POU6F2: variants seen among roughly 807,000 people sequenced by gnomAD.
POU6F2 encodes POU class 6 homeobox 2, also known as POU domain, class 6, transcription factor 2.
Under a neutral mutation model 71.3 loss-of-function variants are expected in POU6F2, and 31 were observed. The observed-to-expected ratio is 0.43, with a 90% CI of 0.33 to 0.59. POU6F2 has a LOEUF of 0.59. Among genes scored for constraint, POU6F2 ranks in the 20% least tolerant of loss-of-function variants. The pLI is 0.04. For missense variants in POU6F2, 783 were observed against 856.8 expected (o/e 0.91, Z 1.07); for synonymous variants, 347 against 355.7 (o/e 0.98, Z 0.27).
intron 4 of POU6F2, among the ~76,000 whole-genome samples, chr7:39,209,112 T>C (rs138998102): frequency 1.8e-4 from 28 of 152,338 alleles, no homozygotes; most frequent in Non-Finnish European, 3.4e-4. Context: ...AAGATATTAG[T>C]ACCTGTTTTT....
At chr7:39,158,543 C>G (rs962449112) in intron 2 of POU6F2, among the ~76,000 whole-genome samples, 1 of 152,124 alleles carries the variant, frequency 6.6e-6, no homozygotes, top group Non-Finnish European at 1.5e-5. Context: ...TGGCATCACT[C>G]TCGGTCTGAG....
At chr7:39,448,615 C>T (rs751081424) in intron 7 of POU6F2, among the ~76,000 whole-genome samples, 3 of 152,010 alleles carry the variant, frequency 2.0e-5, no homozygotes, top group African/African-American at 7.2e-5. Context: ...GCCTAGAAGC[C>T]CTAGCTTGCT....
At chr7:39,020,335 T>G (rs1237048920) in intron 1 of POU6F2, among the ~76,000 whole-genome samples, 1 of 152,210 alleles carries the variant, frequency 6.6e-6, no homozygotes, top group Non-Finnish European at 1.5e-5. Flanking sequence ...TTCAAGATAT[T>G]GTTATACAAT....
chr7:39,173,173 G>A (rs934870165), intron 2 of POU6F2, among the ~76,000 whole-genome samples: 8 of 152,080 alleles, frequency 5.3e-5, no homozygotes, highest in Non-Finnish European at 7.4e-5. Flanking sequence ...ATGGACCTAC[G>A]CATTCTATAT....
At chr7:39,287,124 C>G (rs569830124) in intron 4 of POU6F2, among the ~76,000 whole-genome samples, 1 of 152,246 alleles carries the variant, frequency 6.6e-6, no homozygotes, top group Non-Finnish European at 1.5e-5. Context: ...CACAGCATCA[C>G]TTTTTACCGA....
chr7:39,101,865 A>C (rs1002210510), intron 2 of POU6F2, among the ~76,000 whole-genome samples: 2 of 152,212 alleles, frequency 1.3e-5, no homozygotes, highest in Non-Finnish European at 2.9e-5. Flanking sequence ...TCAATTAAAA[A>C]ATTTAAAACA....
intron 1 of POU6F2, among the ~76,000 whole-genome samples, chr7:39,056,444 C>T (rs962110090): frequency 9.2e-5 from 14 of 151,726 alleles, no homozygotes; most frequent in African/African-American, 3.1e-4. Flanking sequence ...CTTTAAATTG[C>T]CTTATGGCAA....
At chr7:39,462,240 T>A (rs1238012155) in intron 9 of POU6F2, among the ~76,000 whole-genome samples, 1 of 152,190 alleles carries the variant, frequency 6.6e-6, no homozygotes, top group Non-Finnish European at 1.5e-5. Context: ...CTTTGGGAAT[T>A]TCTAGTATAA....
intron 1 of POU6F2, chr7:39,085,130 G>C (rs1374738058): frequency 6.6e-6 from 1 of 151,930 alleles, no homozygotes; most frequent in Non-Finnish European, 1.5e-5. Flanking sequence ...AACACAGTTT[G>C]TAAGTATTTT....
At chr7:39,425,729 G>A (rs1361677262) in intron 6 of POU6F2, among the ~76,000 whole-genome samples, 3 of 152,032 alleles carry the variant, frequency 2.0e-5, no homozygotes, top group African/African-American at 7.2e-5. Flanking sequence ...CTTTTCCCTT[G>A]TCTCCTTCTT....
chr7:39,028,169 A>G (rs186538171), intron 1 of POU6F2, among the ~76,000 whole-genome samples: 6 of 151,814 alleles, frequency 4.0e-5, no homozygotes, highest in Admixed American at 3.9e-4. Context: ...CATATTTTCT[A>G]TTGTTTTTGC....
chr7:39,144,047 CCCTT>C lies in POU6F2; in HGVS notation c.277+58022_277+58025del, dbSNP rs146345677. ...TTCCTTCTTATTTCTCTTCCTCCCT[CCCTT>C]CCTTCTCTCTTTCCTTCCTTCTTCA... On this transcript the variant is annotated intron_variant, in intron 2 of 9. Coordinates refer to ENST00000518318, the MANE Select transcript of POU6F2 (RefSeq NM_001370959.1). Among the ~76,000 whole-genome samples the C allele has an allele frequency of 4.1e-3, 621 of 152,266 alleles. 6 individuals are homozygous for C. Among genetic ancestry groups the C allele is most frequent in the African/African-American group, 0.014 (593 of 41,562 alleles).
intron 4 of POU6F2, among the ~76,000 whole-genome samples, chr7:39,231,505 AG>A (rs1794574019): frequency 1.3e-5 from 2 of 152,200 alleles, no homozygotes; most frequent in Admixed American, 1.3e-4. Flanking sequence ...TTGCTATAAG[AG>A]ATTAAGTGGT....
chr7:39,034,712 A>T (rs145050793), intron 1 of POU6F2, among the ~76,000 whole-genome samples: 1 of 152,130 alleles, frequency 6.6e-6, no homozygotes, highest in African/African-American at 2.4e-5. Flanking sequence ...TCAGGTCAAG[A>T]GTAGATTGCA....
At chr7:38,978,481 T>C (rs1788234814) in intron 1 of POU6F2, among the ~76,000 whole-genome samples, 1 of 152,196 alleles carries the variant, frequency 6.6e-6, no homozygotes, top group African/African-American at 2.4e-5. Context: ...TCTCTCCTTC[T>C]CTCTTTCTCT....
chr7:39,031,751 C>T (rs1417775291), intron 1 of POU6F2, among the ~76,000 whole-genome samples: 2 of 151,940 alleles, frequency 1.3e-5, no homozygotes, highest in Non-Finnish European at 2.9e-5. Flanking sequence ...CATGGTGGTG[C>T]ACATCTGTAG....
intron 2 of POU6F2, among the ~76,000 whole-genome samples, chr7:39,117,862 A>T (rs566634778): frequency 1.0e-3 from 154 of 152,294 alleles, no homozygotes; most frequent in African/African-American, 3.6e-3. Context: ...GGAGATTGAA[A>T]CAGAGAGGTT....
At chr7:39,212,402 T>A (rs1450117402) in intron 4 of POU6F2, among the ~76,000 whole-genome samples, 1 of 152,176 alleles carries the variant, frequency 6.6e-6, no homozygotes, top group Non-Finnish European at 1.5e-5. Flanking sequence ...AACGAAGACC[T>A]TGGAAGCTCT....
intron 5 of POU6F2, among the ~76,000 whole-genome samples, chr7:39,381,331 G>T (rs562260763): frequency 1.3e-5 from 2 of 152,130 alleles, no homozygotes; most frequent in East Asian, 3.9e-4. Flanking sequence ...TCTGCCTCCC[G>T]GGTTCAAGCT....
Sources: allele counts gnomAD v4.1 joint callset (sites outside exome capture counted in the v4.1 genomes callset), GRCh38; gene constraint gnomAD v4.1.1; transcripts MANE v1.5; gene names NCBI Gene and HGNC (gene_info 2026-07-23, HGNC 2026-07-21).